Variants in SPATA3 observed in about 807,000 individuals in gnomAD.
The protein encoded by SPATA3 is spermatogenesis-associated protein 3.
Under a neutral mutation model 5.7 loss-of-function variants are expected in SPATA3, and 6 were observed. The ratio of observed to expected loss-of-function variants is 1.06; its 90% CI spans 0.58 to 2.09. The LOEUF (loss-of-function observed/expected upper bound fraction) is 2.09. SPATA3 is among the 30% of genes most tolerant of loss of function. The probability of loss-of-function intolerance (pLI) is 0.00; values close to 1 mark genes in which losing one functional copy is unlikely to be tolerated. For synonymous variants in SPATA3, 44 were observed against 48.4 expected (o/e 0.91, Z 0.37); for missense variants, 155 against 130.4 (o/e 1.19, Z -0.92).
chr2:231,016,467 C>G (rs979241283), intron 6 of SPATA3, among the ~76,000 whole-genome samples: 1 of 137,202 alleles, frequency 7.3e-6, no homozygotes, highest in African/African-American at 2.8e-5. Flanking sequence ...GCAGGTGGAT[C>G]GAGATCAGCC....
chr2:231,016,965 T>C (rs731837), intron 6 of SPATA3, among the ~76,000 whole-genome samples: 61,683 of 152,104 alleles, frequency 0.41, 13,565 homozygotes, highest in African/African-American at 0.57. Flanking sequence ...GATTTTATAC[T>C]ACATATTTGT....
At chr2:231,018,459 G>C (rs1692987220) in intron 6 of SPATA3, among the ~76,000 whole-genome samples, 1 of 151,674 alleles carries the variant, frequency 6.6e-6, no homozygotes, top group Non-Finnish European at 1.5e-5. Flanking sequence ...ATATGGTATA[G>C]AAACTTCAGC....
downstream of SPATA3, among the ~76,000 whole-genome samples, chr2:231,010,913 TAAAA>T (rs58404200): frequency 0.26 from 34,631 of 131,678 alleles, 5,022 homozygotes; most frequent in South Asian, 0.39. Context: ...TGTATTTTTC[TAAAA>T]AAAAAAAAAA....
chr2:231,019,142 T>C (rs1427232802), intron 6 of SPATA3, among the ~76,000 whole-genome samples: 1 of 143,758 alleles, frequency 7.0e-6, no homozygotes, highest in Non-Finnish European at 1.5e-5. Flanking sequence ...AATTTTTTTT[T>C]GTATTTTTAG....
chr2:230,997,326 C>T (rs1185411349), intron 1 of SPATA3, among the ~76,000 whole-genome samples: 1 of 152,202 alleles, frequency 6.6e-6, no homozygotes, highest in Non-Finnish European at 1.5e-5. Context: ...ATGTGCCTTT[C>T]ACCTTCCACC....
chr2:230,998,910 A>C (rs1298898488), intron 1 of SPATA3, among the ~76,000 whole-genome samples: 1 of 152,234 alleles, frequency 6.6e-6, no homozygotes, highest in East Asian at 1.9e-4. Flanking sequence ...TATTAAGCAT[A>C]TTAGAAGCAC....
intron 6 of SPATA3, among the ~76,000 whole-genome samples, chr2:231,018,010 C>T (rs1481432625): frequency 2.0e-5 from 3 of 152,048 alleles, no homozygotes; most frequent in Admixed American, 6.6e-5. Context: ...CTGCAACCTC[C>T]GCCTCCCAGG....
chr2:230,997,976 C>T (rs10755051), intron 1 of SPATA3, among the ~76,000 whole-genome samples: 45,984 of 152,060 alleles, frequency 0.3, 7,123 homozygotes, highest in East Asian at 0.45. Flanking sequence ...CCTGAGCAGA[C>T]GCTGGTAGCC....
At chr2:231,003,764 G>A (rs1692441360), downstream of SPATA3, among the ~76,000 whole-genome samples, 1 of 152,204 alleles carries the variant, frequency 6.6e-6, no homozygotes, top group Non-Finnish European at 1.5e-5. Context: ...AGCCCAAAAA[G>A]GGGATAATCG....
At chr2:231,018,563 G>A (rs1039893506) in intron 6 of SPATA3, among the ~76,000 whole-genome samples, 1 of 152,098 alleles carries the variant, frequency 6.6e-6, no homozygotes, top group African/African-American at 2.4e-5. Context: ...TTTATCTATT[G>A]CCCATTTATT....
chr2:231,005,522 A>ATCATCAC, downstream of SPATA3, among the ~76,000 whole-genome samples: 1 of 134,980 alleles, frequency 7.4e-6, no homozygotes, highest in South Asian at 2.5e-4. Context: ...CACCATCACC[A>ATCATCAC]CCACCACCAT....
At chr2:231,002,484 T>G (rs1334091169) in intron 2 of SPATA3, among the ~76,000 whole-genome samples, 200 bp from the exon 3 acceptor site, 2 of 152,116 alleles carry the variant, frequency 1.3e-5, no homozygotes, top group African/African-American at 4.8e-5. Context: ...CAGCTCACCC[T>G]CCGATCCTCA....
intron 6 of SPATA3, among the ~76,000 whole-genome samples, chr2:231,018,457 T>TGC (rs879473782): frequency 6.6e-6 from 1 of 151,946 alleles, no homozygotes; most frequent in Non-Finnish European, 1.5e-5. Context: ...CCATATGGTA[T>TGC]AGAAACTTCA....
downstream of SPATA3, among the ~76,000 whole-genome samples, chr2:231,011,327 C>T (rs1407053956): frequency 1.3e-5 from 2 of 152,086 alleles, no homozygotes; most frequent in African/African-American, 4.8e-5. Context: ...TTTGGCCAGG[C>T]TGGTCTCGAA....
At chr2:231,010,985 G>A (rs1017385360), downstream of SPATA3, among the ~76,000 whole-genome samples, 4 of 147,686 alleles carry the variant, frequency 2.7e-5, no homozygotes, top group Non-Finnish European at 4.5e-5. Flanking sequence ...AGGTGGGAGG[G>A]TCACTTGAGC....
downstream of SPATA3, among the ~76,000 whole-genome samples, chr2:231,011,729 C>T (rs1197219521): frequency 2.6e-5 from 4 of 152,172 alleles, no homozygotes; most frequent in African/African-American, 9.7e-5. Context: ...TCAGGGGACA[C>T]CTGCCATGCA....
At chr2:230,998,187 C>T (rs1162414687) in intron 1 of SPATA3, among the ~76,000 whole-genome samples, 1 of 152,172 alleles carries the variant, frequency 6.6e-6, no homozygotes, top group Non-Finnish European at 1.5e-5. Context: ...CAGTTTACCC[C>T]CCGGGATTGT....
At chr2:231,005,445 CCATCACCACCACCACCACCACCACCAT>C (rs1692569799), downstream of SPATA3, among the ~76,000 whole-genome samples, 1 of 45,134 alleles carries the variant, frequency 2.2e-5, no homozygotes. Flanking sequence ...ACAATCACCA[CCATCACCACCACCACCACCACCACCAT>C]CATCACCACC....
At chr2:230,996,339 A>C (rs1692120441) in intron 1 of SPATA3, 1 of 344,756 alleles carries the variant, frequency 2.9e-6, no homozygotes. Context: ...CCCTGAATCC[A>C]CACCACAGCA....
Sources: allele counts gnomAD v4.1 joint callset (sites outside exome capture counted in the v4.1 genomes callset), GRCh38; gene constraint gnomAD v4.1.1; transcripts MANE v1.5; gene names NCBI Gene and HGNC (gene_info 2026-07-23, HGNC 2026-07-21).